SYT9: variants seen among roughly 807,000 people sequenced by gnomAD.
SYT9 encodes the protein synaptotagmin 9.
Under a neutral mutation model 48.4 loss-of-function variants are expected in SYT9, and 22 were observed. The observed-to-expected ratio is 0.45, with a 90% CI of 0.32 to 0.65. The LOEUF (loss-of-function observed/expected upper bound fraction) is 0.65. Ranked by LOEUF, SYT9 falls within the 30% of genes least tolerant of loss-of-function variation. SYT9 has a pLI of 0.03. For synonymous variants in SYT9, 265 were observed against 245.0 expected (o/e 1.08, Z -0.76); for missense variants, 577 against 622.0 (o/e 0.93, Z 0.77).
intron 3 of SYT9, among the ~76,000 whole-genome samples, chr11:7,388,684 G>T (rs1850706497): frequency 6.6e-6 from 1 of 152,010 alleles, no homozygotes; most frequent in Non-Finnish European, 1.5e-5. Flanking sequence ...TATTATCATA[G>T]AGTCCAATGT....
rs894993613 is a variant in SYT9, at chr11:7,280,296, G to A, written c.146-22743G>A. Among the ~76,000 whole-genome samples the A allele has an allele frequency of 3.3e-5, 5 of 152,238 alleles. No homozygotes were observed. The East Asian group carries it at 5.8e-4, about 18-fold the overall frequency. On this transcript the variant is annotated intron_variant, in intron 1 of 6. Coordinates refer to ENST00000318881, the MANE Select transcript of SYT9 (RefSeq NM_175733.4). ...ACCTTAGGTTGCAGCTGACAAATGA[G>A]TGTAGGCCCAACAAGCCTGTTGGTT...
chr11:7,251,178 C>A (rs2119747223), upstream of SYT9, among the ~76,000 whole-genome samples: 1 of 151,770 alleles, frequency 6.6e-6, no homozygotes, highest in South Asian at 2.1e-4. Context: ...GCTTGAAAGG[C>A]TGAAAAGATG....
At chr11:7,329,965 A>T (rs1042315018) in intron 3 of SYT9, among the ~76,000 whole-genome samples, 1 of 152,298 alleles carries the variant, frequency 6.6e-6, no homozygotes. Context: ...ATAACAGGGG[A>T]TAGCGATATT....
chr11:7,248,686 C>T (rs1847823604), upstream of SYT9, among the ~76,000 whole-genome samples: 1 of 152,050 alleles, frequency 6.6e-6, no homozygotes, highest in East Asian at 1.9e-4. Context: ...TCAGAGATGA[C>T]ACAAACAAAT....
intron 3 of SYT9, among the ~76,000 whole-genome samples, chr11:7,372,226 G>A (rs995111849): frequency 6.6e-5 from 10 of 152,054 alleles, no homozygotes; most frequent in African/African-American, 2.4e-4. Context: ...TGGCTTTTCT[G>A]TATGACTAAT....
At chr11:7,453,896 C>A in intron 6 of SYT9, 1 of 680,428 alleles carries the variant, frequency 1.5e-6, no homozygotes, top group African/African-American at 2.0e-5. Flanking sequence ...AGGGCATGGC[C>A]CCTAAGTTCA....
rs76106662 is a variant in SYT9, at chr11:7,298,620, G to C, written c.146-4419G>C. On this transcript the variant is annotated intron_variant, in intron 1 of 6. Coordinates refer to ENST00000318881, the MANE Select transcript of SYT9 (RefSeq NM_175733.4). ...GTATGTGGGCTTAAATTTTTTACTTGTTGGCCAGTAATCACCGTCACTCTA... is the reference window on the plus strand; with the variant it reads ...GTATGTGGGCTTAAATTTTTTACTTCTTGGCCAGTAATCACCGTCACTCTA... 2.0e-3 allele frequency among the ~76,000 whole-genome samples: 304 copies of C among 150,920 alleles called. 1 individual carries two copies. The highest frequency in any genetic ancestry group is 7.0e-3 in the African/African-American group (286 of 41,028).
chr11:7,253,050 G>A (rs536958091), intron 1 of SYT9, among the ~76,000 whole-genome samples: 3 of 152,374 alleles, frequency 2.0e-5, no homozygotes, highest in African/African-American at 7.2e-5. Context: ...AAGTTGCAAA[G>A]CTCTTAACTT....
At chr11:7,307,855 G>A (rs936065344) in intron 2 of SYT9, among the ~76,000 whole-genome samples, 7 of 152,232 alleles carry the variant, frequency 4.6e-5, no homozygotes, top group African/African-American at 1.7e-4. Flanking sequence ...AAGTATTCAA[G>A]GTTTCAAATC....
Position 7,252,308 on chromosome 11 carries a change from C to T in SYT9, c.122C>T (p.Ala41Val). ...QDFIYHLRDR[A>V]RPRLRDPDIS... is the part of the protein sequence containing the mutation. Reference sequence around the variant, plus strand: ...TTCATTTACCACCTGCGGGACCGTGCCAGACCCCGGCTCCGCGACCCAGGT... The same window carrying T: ...TTCATTTACCACCTGCGGGACCGTGTCAGACCCCGGCTCCGCGACCCAGGT... The change falls in exon 1 of 7, where the codon GCC becomes GTC. Residue 41 changes from alanine to valine, a missense_variant. Ala to Val is a moderately conservative substitution (Grantham distance 64). Coordinates refer to ENST00000318881, the MANE Select transcript of SYT9 (RefSeq NM_175733.4). The surrounding 1 kb of genome is among the most constrained non-coding windows in gnomAD (Gnocchi z 6.3). 1 of 1,502,146 alleles carries T rather than the reference C, an allele frequency of 6.7e-7. No homozygotes were observed. Among genetic ancestry groups the T allele is most frequent in the Non-Finnish European group, 8.9e-7 (1 of 1,124,768 alleles). 93.1% of individuals were successfully genotyped at this position (1,502,146 alleles called of 1,614,324 possible).
At chr11:7,325,084 T>C (rs1849406147) in intron 3 of SYT9, among the ~76,000 whole-genome samples, 1 of 152,206 alleles carries the variant, frequency 6.6e-6, no homozygotes, top group African/African-American at 2.4e-5. Context: ...AGAAATGCTT[T>C]TTAGGCCTTC....
chr11:7,434,599 G>A (rs1847667724), intron 6 of SYT9, among the ~76,000 whole-genome samples: 1 of 152,156 alleles, frequency 6.6e-6, no homozygotes, highest in South Asian at 2.1e-4. Context: ...AGGCCCCGTG[G>A]CTATGGAAGA....
intron 1 of SYT9, among the ~76,000 whole-genome samples, chr11:7,244,185 A>G (rs1262172655): frequency 6.6e-6 from 1 of 152,170 alleles, no homozygotes; most frequent in Non-Finnish European, 1.5e-5. Flanking sequence ...TTTAAATTCT[A>G]AAGCCAACAA....
chr11:7,346,544 G>A (rs1422402402), intron 3 of SYT9, among the ~76,000 whole-genome samples: 1 of 152,202 alleles, frequency 6.6e-6, no homozygotes, highest in East Asian at 1.9e-4. Context: ...TTCTCTGGGA[G>A]GGAAGAAACA....
intron 3 of SYT9, among the ~76,000 whole-genome samples, chr11:7,383,026 G>C (rs1018532221): frequency 6.6e-6 from 1 of 152,192 alleles, no homozygotes; most frequent in African/African-American, 2.4e-5. Flanking sequence ...ATTATTAGTA[G>C]GATCCATCGC....
intron 2 of SYT9, among the ~76,000 whole-genome samples, chr11:7,311,034 G>A (rs1849123493): frequency 6.6e-6 from 1 of 152,204 alleles, no homozygotes; most frequent in South Asian, 2.1e-4. Flanking sequence ...CAGGCACAGT[G>A]GCTAACGCCT....
At chr11:7,353,194 G>A (rs1413672167) in intron 3 of SYT9, among the ~76,000 whole-genome samples, 1 of 152,020 alleles carries the variant, frequency 6.6e-6, no homozygotes, top group Non-Finnish European at 1.5e-5. Context: ...GTCAGCAGAG[G>A]GCACAGGAGA....
intron 1 of SYT9, among the ~76,000 whole-genome samples, chr11:7,282,615 A>G (rs1419732565): frequency 6.6e-6 from 1 of 152,108 alleles, no homozygotes; most frequent in African/African-American, 2.4e-5. Context: ...CACGCTTGCC[A>G]GCCTAGAGGT....
chr11:7,353,764 C>T (rs997872530), intron 3 of SYT9, among the ~76,000 whole-genome samples: 3 of 152,120 alleles, frequency 2.0e-5, no homozygotes, highest in African/African-American at 7.2e-5. Flanking sequence ...TGAATGGGTC[C>T]GGACTGATTC....
Sources: allele counts gnomAD v4.1 joint callset (sites outside exome capture counted in the v4.1 genomes callset), GRCh38; gene constraint gnomAD v4.1.1; non-coding constraint Gnocchi (gnomAD v3.1); transcripts MANE v1.5; gene names NCBI Gene and HGNC (gene_info 2026-07-23, HGNC 2026-07-21).